CWC27: variants seen among roughly 807,000 people sequenced by gnomAD.
CWC27 encodes the protein CWC27 spliceosome associated cyclophilin.
Under a neutral mutation model 63.6 loss-of-function variants are expected in CWC27, and 47 were observed. That is an observed-to-expected ratio of 0.74 (90% CI 0.58 to 0.94). The LOEUF (loss-of-function observed/expected upper bound fraction) is 0.94. Ranked by LOEUF, CWC27 falls within the 40% of genes least tolerant of loss-of-function variation. The probability of loss-of-function intolerance (pLI) is 0.00; values close to 1 mark genes in which losing one functional copy is unlikely to be tolerated. For synonymous variants in CWC27, 175 were observed against 179.8 expected, an observed-to-expected ratio of 0.97 and a Z score of 0.22; for missense variants, 495 against 554.3, an observed-to-expected ratio of 0.89 and a Z score of 1.07.
intron 12 of CWC27, 91 bp downstream of exon 12, chr5:64,971,903 A>G: frequency 3.0e-6 from 2 of 676,784 alleles, no homozygotes; most frequent in Non-Finnish European, 4.8e-6. Context: ...ATTATATATC[A>G]GGAGAAGCAC....
At chr5:64,837,244 T>C (rs1745680459) in intron 10 of CWC27, among the ~76,000 whole-genome samples, 2 of 152,082 alleles carry the variant, frequency 1.3e-5, no homozygotes, top group Admixed American at 1.3e-4. Context: ...CAGAGGGTCT[T>C]TTGTTTCAAG....
intron 2 of CWC27, among the ~76,000 whole-genome samples, chr5:64,781,137 T>C (rs763284909): frequency 7.8e-4 from 119 of 152,158 alleles, no homozygotes; most frequent in Admixed American, 2.0e-3. Flanking sequence ...ATATATAGTA[T>C]AGGAGGTCAT....
chr5:64,852,883 C>A (rs10940007), intron 10 of CWC27, among the ~76,000 whole-genome samples: 53,586 of 151,758 alleles, frequency 0.35, 9,898 homozygotes, highest in East Asian at 0.51. Context: ...TTGAAAACTT[C>A]TAATTACAAC....
intron 11 of CWC27, among the ~76,000 whole-genome samples, chr5:64,891,898 A>T (rs1251683741): frequency 6.6e-6 from 1 of 151,908 alleles, no homozygotes; most frequent in African/African-American, 2.4e-5. Flanking sequence ...GGGTTCAAGC[A>T]ATTCTCTTGC....
chr5:64,932,964 C>G (rs920279731), intron 11 of CWC27, among the ~76,000 whole-genome samples: 6 of 152,092 alleles, frequency 3.9e-5, no homozygotes, highest in Non-Finnish European at 8.8e-5. Flanking sequence ...TTTCACAAAC[C>G]TTTAGAACTG....
chr5:64,919,789 T>C (rs550731519), intron 11 of CWC27, among the ~76,000 whole-genome samples: 5 of 152,336 alleles, frequency 3.3e-5, no homozygotes, highest in Admixed American at 3.3e-4. Context: ...CATGTCCTTG[T>C]CTGTTCTTGC....
rs930121311 is a variant in CWC27 at position 64,982,802 on chromosome 5, C to A, written c.1256+5564C>A. On this transcript the variant is annotated intron_variant, in intron 13 of 13. Coordinates refer to ENST00000381070, the MANE Select transcript of CWC27 (RefSeq NM_005869.4). ...GGCCCTTTACACCAGGGGTCCCCAA[C>A]CCCCAGACTGCAGACTGGTACTGGT... Among the ~76,000 whole-genome samples the A allele has an allele frequency of 3.3e-5, 5 of 152,152 alleles. No individual in the cohort carries two copies. The East Asian group carries it at 9.6e-4, about 29-fold the overall frequency.
At chr5:64,828,644 A>G (rs568382157) in intron 10 of CWC27, among the ~76,000 whole-genome samples, 2 of 152,090 alleles carry the variant, frequency 1.3e-5, no homozygotes, top group Admixed American at 6.6e-5. Context: ...GTAAACATTC[A>G]GAGAATAGTA....
intron 13 of CWC27, among the ~76,000 whole-genome samples, chr5:65,005,530 G>A (rs543861820): frequency 6.6e-6 from 1 of 151,934 alleles, no homozygotes; most frequent in East Asian, 1.9e-4. Context: ...CCAGACCCCA[G>A]ATAATGTGTG....
chr5:64,856,849 AT>A (rs1746270267), intron 10 of CWC27, among the ~76,000 whole-genome samples: 1 of 152,154 alleles, frequency 6.6e-6, no homozygotes, highest in African/African-American at 2.4e-5. Context: ...TCTGCATTAA[AT>A]TTTACTATTT....
At chr5:64,793,978 A>G (rs1452858021) in intron 7 of CWC27, among the ~76,000 whole-genome samples, 2 of 152,106 alleles carry the variant, frequency 1.3e-5, no homozygotes, top group South Asian at 2.1e-4. Flanking sequence ...CCTCTCCCAC[A>G]TGGGTTAGCT....
At chr5:64,941,469 A>G (rs1419108409) in intron 11 of CWC27, among the ~76,000 whole-genome samples, 1 of 152,150 alleles carries the variant, frequency 6.6e-6, no homozygotes, top group African/African-American at 2.4e-5. Context: ...AAATTTATCT[A>G]CATATTTATT....
intron 11 of CWC27, among the ~76,000 whole-genome samples, chr5:64,886,251 C>A (rs1747070746): frequency 6.6e-6 from 1 of 151,984 alleles, no homozygotes; most frequent in Non-Finnish European, 1.5e-5. Context: ...ATTGTTTCAG[C>A]TATAAAGCAT....
intron 11 of CWC27, among the ~76,000 whole-genome samples, chr5:64,899,954 T>C (rs938563531): frequency 6.6e-6 from 1 of 152,198 alleles, no homozygotes; most frequent in Non-Finnish European, 1.5e-5. Flanking sequence ...AATCAACATA[T>C]GCATTTTCAG....
intron 2 of CWC27, among the ~76,000 whole-genome samples, chr5:64,779,546 A>C (rs1743585879): frequency 6.6e-6 from 1 of 152,208 alleles, no homozygotes; most frequent in Non-Finnish European, 1.5e-5. Context: ...ATAAAATAGA[A>C]CTAACCATTT....
intron 6 of CWC27, among the ~76,000 whole-genome samples, chr5:64,787,152 AAC>A (rs1743916630): frequency 6.6e-6 from 1 of 152,144 alleles, no homozygotes; most frequent in African/African-American, 2.4e-5. Context: ...CCTCCCATAA[AAC>A]ACATGGGGAT....
intron 11 of CWC27, among the ~76,000 whole-genome samples, chr5:64,917,952 A>G (rs2112386894): frequency 6.6e-6 from 1 of 152,004 alleles, no homozygotes; most frequent in Admixed American, 6.6e-5. Context: ...ACACACACAA[A>G]CATACACACA....
chr5:64,837,605 G>C lies in CWC27; in HGVS notation c.938+33219G>C, dbSNP rs375961408. ...CTCTTTTAAATAGCAAAATGACTTT[G>C]TCTTAGCAAGAATATGAAGCAAGTT... On this transcript the variant is annotated intron_variant, in intron 10 of 13. Transcript: ENST00000381070. 6.0e-5 allele frequency among the ~76,000 whole-genome samples: 9 copies of C among 150,068 alleles called. 1 individual carries two copies. In the South Asian group the frequency reaches 1.1e-3, roughly 18 times the overall value.
At chr5:64,891,896 G>A (rs1451579141) in intron 11 of CWC27, among the ~76,000 whole-genome samples, 1 of 152,068 alleles carries the variant, frequency 6.6e-6, no homozygotes, top group Non-Finnish European at 1.5e-5. Flanking sequence ...CCGGGTTCAA[G>A]CAATTCTCTT....
Sources: allele counts gnomAD v4.1 joint callset (sites outside exome capture counted in the v4.1 genomes callset), GRCh38; gene constraint gnomAD v4.1.1; transcripts MANE v1.5; gene names NCBI Gene and HGNC (gene_info 2026-07-23, HGNC 2026-07-21).